Variants in TTN observed in about 807,000 individuals in gnomAD.
TTN encodes the protein titin.
Under a neutral mutation model 3,223.0 loss-of-function variants are expected in TTN, and 1,525 were observed. That is an observed-to-expected ratio of 0.47 (90% CI 0.45 to 0.49). TTN has a LOEUF of 0.49. Ranked by LOEUF, TTN falls within the 20% of genes least tolerant of loss-of-function variation. TTN has a pLI of 0.00. For synonymous variants in TTN, 14,094 were observed against 15,161.0 expected (o/e 0.93, Z 5.17); for missense variants, 40,786 against 43,424.0 (o/e 0.94, Z 5.40).
chr2:178,630,340 T>A lies in TTN; in HGVS notation c.44182A>T (p.Ile14728Leu). Residue 14728 changes from isoleucine (I) to leucine (L), a missense_variant, in exon 239 of 363, where the codon ATA becomes TTA. Ile to Leu is a conservative substitution (Grantham distance 5). Coordinates refer to ENST00000589042, the MANE Select transcript of TTN (RefSeq NM_001267550.2). ...CAGTTGTGCAAAACAAGGGAGTGTA[T>A]TTTGCCTTCTTCCTTAATTTCACAA... ...PDCEIKEEGK[I>L]HSLVLHNCRL... is the part of the protein sequence containing the mutation. The A allele has an allele frequency of 6.2e-7, 1 of 1,610,580 alleles. No homozygotes were observed. Among genetic ancestry groups the A allele is most frequent in the Non-Finnish European group, 8.5e-7 (1 of 1,178,898 alleles).
At chr2:178,746,072 A>C in intron 47 of TTN, 3 of 1,613,446 alleles carry the variant, frequency 1.9e-6, no homozygotes, top group South Asian at 2.2e-5. Flanking sequence ...AGAAAGACAG[A>C]CATTTCGAAT....
chr2:178,680,411 A>G (rs2069096077), intron 138 of TTN, 80 bp from the exon 139 acceptor site: 1 of 1,155,126 alleles, frequency 8.7e-7, no homozygotes, highest in Non-Finnish European at 1.3e-6. Context: ...TACTTTAAGC[A>G]GATAGAATAA....
Position 178,576,854 on chromosome 2 carries a change from A to G in TTN, c.69413-23T>C, listed in dbSNP as rs2046550114. On this transcript the variant is annotated intron_variant, in intron 324 of 362. Coordinates refer to ENST00000589042, the MANE Select transcript of TTN (RefSeq NM_001267550.2). This position sits in a 1 kb window ranked among gnomAD's most constrained non-coding sequence, Gnocchi z 4.3. ...GACCTGAAAAGGAAGCAAATTTATTAGAAATCCATGATTTCCTAAACTCTG... is the reference window on the plus strand; with the variant it reads ...GACCTGAAAAGGAAGCAAATTTATTGGAAATCCATGATTTCCTAAACTCTG... The G allele has an allele frequency of 4.4e-6, 7 of 1,602,614 alleles. No individual in the cohort carries two copies. The highest frequency in any genetic ancestry group is 5.9e-6 in the Non-Finnish European group (7 of 1,176,878).
At chr2:178,797,522 C>T (rs911972697) in intron 6 of TTN, among the ~76,000 whole-genome samples, 5 of 151,620 alleles carry the variant, frequency 3.3e-5, no homozygotes, top group Non-Finnish European at 7.4e-5. Context: ...GGTTATTTGT[C>T]GTAAGTGTTG....
chr2:178,614,180 T>C lies in TTN; in HGVS notation c.49217A>G (p.Lys16406Arg). ...TTTGGTGGCCTTGAAGTTTGTATCC[T>C]TGACGGTGGATGAGAGCTTGTGCCA... is the stretch of plus-strand genomic sequence containing the variant. ...EVWHKLSSTVKDTNFKATKLI... is the reference protein window; with the variant it reads ...EVWHKLSSTVRDTNFKATKLI... The change falls in exon 262 of 363, where the codon AAG becomes AGG. Residue 16406 changes from lysine to arginine, a missense_variant. Lys to Arg is a conservative substitution (Grantham distance 26). Transcript: ENST00000589042. 6.2e-7 allele frequency: 1 copy of C among 1,612,530 alleles called. No individual in the cohort carries two copies. Among genetic ancestry groups the C allele is most frequent in the Non-Finnish European group, 8.5e-7 (1 of 1,179,224 alleles).
rs373182578 is a variant in TTN at position 178,546,031 on chromosome 2, G to A, written c.95205C>T (p.Asp31735=). Reference sequence around the variant, plus strand: ...TGTAGTGAGTGATTTCTGCTCCTCCGTCTTCCTGCGGAAGGCTCCAGGCTA... The same window carrying A: ...TGTAGTGAGTGATTTCTGCTCCTCCATCTTCCTGCGGAAGGCTCCAGGCTA... The part of the protein sequence containing the change: ...CTLAWSLPQE[D]GGAEITHYIV... Residue 31735 remains aspartate, a synonymous_variant, in exon 343 of 363, where the codon GAC becomes GAT. Transcript: ENST00000589042. 1.5e-4 allele frequency: 236 copies of A among 1,613,732 alleles called. No individual in the cohort carries two copies. In the African/African-American group the frequency reaches 2.5e-3, roughly 17 times the overall value.
chr2:178,803,654 AAAG>A (rs1406114630), intron 2 of TTN, among the ~76,000 whole-genome samples: 2 of 152,156 alleles, frequency 1.3e-5, no homozygotes, highest in East Asian at 1.9e-4. Flanking sequence ...AAATTTTAAA[AAAG>A]AAGTGGGCAA....
intron 344 of TTN, 87 bp from the exon 345 acceptor site, chr2:178,544,593 G>A: frequency 8.6e-7 from 1 of 1,166,572 alleles, no homozygotes; most frequent in African/African-American, 1.5e-5. Flanking sequence ...ACTCACAAAG[G>A]CATTATTGCT....
In TTN at chr2:178,587,319, C is replaced by T. The variant is rs1236931080; in HGVS notation, c.63892G>A (p.Val21298Met). ...CGTTTCTCCACGATATAATGTGTCA[C>T]TTGGCTCCCACCGTCGTTTTCAGGA... ...APPENDGGSQ[V>M]THYIVEKREA... The change falls in exon 307 of 363, where the codon GTG (valine) becomes ATG (methionine). Residue 21298 changes from valine (V) to methionine (M), a missense_variant. Transcript: ENST00000589042. 4 of 1,612,778 alleles carry T rather than the reference C, an allele frequency of 2.5e-6. No homozygotes were observed. Among genetic ancestry groups the T allele is most frequent in the Non-Finnish European group, 2.5e-6 (3 of 1,179,382 alleles).
At position 178,528,298 on chromosome 2, in the gene TTN, C is replaced by A. The variant is rs1455841939; in HGVS notation, c.107353G>T (p.Ala35785Ser). Residue 35785 changes from alanine (A) to serine (S), a missense_variant, in exon 361 of 363, where the codon GCT becomes TCT. Ala to Ser is a moderately conservative substitution (Grantham distance 99). Transcript: ENST00000589042. ...KAKNFRGQCS[A>S]TASLMVLPLV... is the part of the protein sequence containing the mutation. ...CGAAGGACCATTAAGGAAGCTGTAG[C>A]TGAACACTGGCCACGGAAATTTTTG... is the stretch of plus-strand genomic sequence containing the variant. The A allele has an allele frequency of 6.2e-7, 1 of 1,613,876 alleles. No individual in the cohort carries two copies. The highest frequency in any genetic ancestry group is 1.7e-5 in the Admixed American group (1 of 60,006).
At chr2:178,624,323 C>A in intron 242 of TTN, 142 bp downstream of exon 242, 1 of 943,716 alleles carries the variant, frequency 1.1e-6, no homozygotes, top group Non-Finnish European at 1.6e-6. Flanking sequence ...CATAAAGGAT[C>A]AGGTTAGGTC....
At chr2:178,765,900 G>C (rs1004395674) in intron 41 of TTN, among the ~76,000 whole-genome samples, 13 of 152,114 alleles carry the variant, frequency 8.5e-5, no homozygotes, top group Non-Finnish European at 1.5e-4. Context: ...TTAGAGCTTG[G>C]GGTAGAGAGG....
Position 178,706,637 on chromosome 2 carries a change from A to G in TTN, c.29237T>C (p.Phe9746Ser). The G allele has an allele frequency of 6.2e-7, 1 of 1,613,956 alleles. No homozygotes were observed. ...WRQLNQGGRVFIHQKGDEAKL... is the reference protein window; with the variant it reads ...WRQLNQGGRVSIHQKGDEAKL... The stretch of plus-strand genomic sequence containing the variant: ...TGCTTCATCGCCTTTTTGGTGGATG[A>G]AAACACGACCTCCTTGGTTCAGCTG... The change falls in exon 102 of 363, where the codon TTC becomes TCC. Residue 9746 changes from phenylalanine (F) to serine (S), a missense_variant. Physicochemically the swap from Phe to Ser is radical, Grantham distance 155. Transcript: ENST00000589042.
Position 178,807,340 on chromosome 2 carries a change from A to C in TTN, c.-142T>G, listed in dbSNP as rs917384471. The C allele has an allele frequency of 6.6e-6, 1 of 152,146 alleles. No individual in the cohort carries two copies. Among genetic ancestry groups the C allele is most frequent in the African/African-American group, 2.4e-5 (1 of 41,424 alleles). 9.4% of individuals were successfully genotyped at this position (152,146 alleles called of 1,614,324 possible). ...TCGGTGAGCCTCTAATCCTAAAAAC[A>C]AAACTACACAGTCAAGACTGTGTAG... On this transcript the variant is annotated 5_prime_UTR_variant, in exon 1 of 363. Transcript: ENST00000589042.
chr2:178,677,726 C>T lies in TTN; in HGVS notation c.34186G>A (p.Glu11396Lys), dbSNP rs2068420371. 2.5e-6 allele frequency: 4 copies of T among 1,612,944 alleles called. No homozygotes were observed. In the East Asian group the frequency reaches 6.7e-5, roughly 27 times the overall value. Residue 11396 changes from glutamate (E) to lysine (K), a missense_variant, in exon 146 of 363, where the codon GAG becomes AAG. Coordinates refer to ENST00000589042, the MANE Select transcript of TTN (RefSeq NM_001267550.2). ...TATTCTTCTTCGGGAGGAACTTCCT[C>T]TTCCTCAGGTGGAATTTCCTCTTCT... is the stretch of plus-strand genomic sequence containing the variant. ...PEEEEIPPEE[E>K]EVPPEEEYVP...
Position 178,537,696 on chromosome 2 carries a change from A to G in TTN, c.99511T>C (p.Tyr33171His), listed in dbSNP as rs532644861. 6.2e-7 allele frequency: 1 copy of G among 1,613,818 alleles called. No homozygotes were observed. The highest frequency in any genetic ancestry group is 1.3e-5 in the African/African-American group (1 of 75,036). Residue 33171 changes from tyrosine to histidine, a missense_variant, in exon 355 of 363, where the codon TAT becomes CAT. Transcript: ENST00000589042. ...ACCTCATTGGTGGCTATGCAGGTATAAACACCTTCATCTTCCTGTTCCTCT... is the reference window on the plus strand; with the variant it reads ...ACCTCATTGGTGGCTATGCAGGTATGAACACCTTCATCTTCCTGTTCCTCT... ...MTEEQEDEGV[Y>H]TCIATNEVGE... is the part of the protein sequence containing the mutation.
chr2:178,545,897 A>C lies in TTN; in HGVS notation c.95339T>G (p.Phe31780Cys), dbSNP rs1696875038. The stretch of plus-strand genomic sequence containing the variant: ...ATATTTGTTTACTGCCCTCACTCGG[A>C]ATATGTACTCATTGTTCTTGATGAG... Reference protein sequence around the residue: ...TRLIKNNEYIFRVRAVNKYGP... With the variant: ...TRLIKNNEYICRVRAVNKYGP... The change falls in exon 343 of 363, where the codon TTC becomes TGC. Residue 31780 changes from phenylalanine to cysteine, a missense_variant. Phe to Cys is a radical substitution (Grantham distance 205). Transcript: ENST00000589042. The C allele has an allele frequency of 6.2e-7, 1 of 1,613,766 alleles. No homozygotes were observed. Among genetic ancestry groups the C allele is most frequent in the Non-Finnish European group, 8.5e-7 (1 of 1,179,800 alleles).
Position 178,561,749 on chromosome 2 carries a change from C to T in TTN, c.84383G>A (p.Arg28128His), listed in dbSNP as rs367596354. 1.1e-5 allele frequency: 17 copies of T among 1,613,250 alleles called. No homozygotes were observed. The Admixed American group carries it at 1.2e-4, about 11-fold the overall frequency. Residue 28128 changes from arginine (R) to histidine (H), a missense_variant, in exon 326 of 363, where the codon CGT becomes CAT. Coordinates refer to ENST00000589042, the MANE Select transcript of TTN (RefSeq NM_001267550.2). ...RLTTGSEYQF[R>H]VCAENRYGKS... ...TCCATAGCGGTTTTCTGCACAAACA[C>T]GGAACTGATACTCACTTCCTGTTGT... is the stretch of plus-strand genomic sequence containing the variant.
At chr2:178,774,656 T>C in intron 29 of TTN, 183 bp from the exon 30 acceptor site, 1 of 702,146 alleles carries the variant, frequency 1.4e-6, no homozygotes, top group African/African-American at 1.8e-5. Flanking sequence ...TATTTTAATT[T>C]TTAAATATTT....
Sources: allele counts gnomAD v4.1 joint callset (sites outside exome capture counted in the v4.1 genomes callset), GRCh38; gene constraint gnomAD v4.1.1; non-coding constraint Gnocchi (gnomAD v3.1); transcripts MANE v1.5; gene names NCBI Gene and HGNC (gene_info 2026-07-23, HGNC 2026-07-21).